The following ATP8A2 variants were observed in gnomAD, a reference collection of about 807,000 sequenced individuals.
The protein encoded by ATP8A2 is ATPase phospholipid transporting 8A2.
A neutral mutation model predicts 165.6 loss-of-function variants in ATP8A2; 100 were observed. The observed-to-expected ratio is 0.60, with a 90% confidence interval of 0.51 to 0.71. The LOEUF (loss-of-function observed/expected upper bound fraction) is 0.71, where lower values mean the gene tolerates loss of function less well. Ranked by LOEUF, ATP8A2 falls within the 30% of genes least tolerant of loss-of-function variation. The probability of loss-of-function intolerance (pLI) is 0.00; values close to 1 mark genes in which losing one functional copy is unlikely to be tolerated. For missense variants in ATP8A2, 1,227 were observed against 1,479.5 expected (o/e 0.83, Z 2.80); for synonymous variants, 543 against 548.8 (o/e 0.99, Z 0.15).
chr13:25,871,781 C>T (rs917512075), intron 33 of ATP8A2, among the ~76,000 whole-genome samples: 1 of 152,162 alleles, frequency 6.6e-6, no homozygotes, highest in Non-Finnish European at 1.5e-5. Flanking sequence ...GTTGGCATTC[C>T]TTTGGCTAAA....
intron 33 of ATP8A2, among the ~76,000 whole-genome samples, chr13:25,946,823 C>T (rs1156958664): frequency 2.0e-5 from 3 of 152,224 alleles, no homozygotes; most frequent in African/African-American, 7.2e-5. Flanking sequence ...TCTTGGCTCA[C>T]TGCAATCTCT....
At chr13:25,375,150 G>A (rs531716597) in intron 1 of ATP8A2, among the ~76,000 whole-genome samples, 1 of 152,286 alleles carries the variant, frequency 6.6e-6, no homozygotes, top group Admixed American at 6.5e-5. Flanking sequence ...CCCGTATAGT[G>A]CTTACAGTCT....
intron 1 of ATP8A2, among the ~76,000 whole-genome samples, chr13:25,420,679 C>T (rs191302037): frequency 6.6e-6 from 1 of 152,204 alleles, no homozygotes; most frequent in Non-Finnish European, 1.5e-5. Flanking sequence ...CAAGCCTGCA[C>T]ATCCTGCACA....
At position 25,953,878 on chromosome 13, in the gene ATP8A2, G is replaced by A. The variant is rs138895231; in HGVS notation, c.3184-7697G>A. 4.7e-3 allele frequency among the ~76,000 whole-genome samples: 715 copies of A among 152,268 alleles called. 4 individuals carry two copies. Among genetic ancestry groups the A allele is most frequent in the East Asian group, 8.7e-3 (45 of 5,188 alleles). On this transcript the variant is annotated intron_variant, in intron 33 of 36. Coordinates refer to ENST00000381655, the MANE Select transcript of ATP8A2 (RefSeq NM_016529.6). This position sits in a 1 kb window ranked among gnomAD's most constrained non-coding sequence, Gnocchi z 6.7. ...AACTGCAGACCAGGAGATTCCCTCC[G>A]GTGCCTACATCACCAGGGCCCTGGG...
intron 2 of ATP8A2, among the ~76,000 whole-genome samples, chr13:25,515,470 G>A (rs573873057): frequency 3.0e-4 from 45 of 152,238 alleles, no homozygotes; most frequent in Admixed American, 4.6e-4. Flanking sequence ...TTGCTTAGGC[G>A]GCAGCCCCTC....
At chr13:25,589,599 A>G in intron 23 of ATP8A2, 36 bp from the exon 24 acceptor site, 1 of 1,533,636 alleles carries the variant, frequency 6.5e-7, no homozygotes, top group South Asian at 1.1e-5. Context: ...ACAGAAGGAA[A>G]GAGAAATTCA....
chr13:25,727,963 A>G (rs2043531787), intron 25 of ATP8A2, among the ~76,000 whole-genome samples: 1 of 152,088 alleles, frequency 6.6e-6, no homozygotes, highest in Non-Finnish European at 1.5e-5. Flanking sequence ...CCAGGTAGTC[A>G]CGTGACCCTA....
At chr13:25,977,496 G>A (rs1956079805) in intron 35 of ATP8A2, among the ~76,000 whole-genome samples, 2 of 152,214 alleles carry the variant, frequency 1.3e-5, no homozygotes, top group Non-Finnish European at 2.9e-5. Flanking sequence ...CTGGGCACAG[G>A]AAGGAGAGGA....
chr13:25,860,370 A>G (rs1279563123), intron 31 of ATP8A2, 114 bp downstream of exon 31: 2 of 600,672 alleles, frequency 3.3e-6, no homozygotes, highest in Non-Finnish European at 5.8e-6. Context: ...CAAATCTTCA[A>G]AATGTATTTT....
intron 26 of ATP8A2, among the ~76,000 whole-genome samples, chr13:25,774,171 C>T (rs989978953): frequency 3.3e-5 from 5 of 152,082 alleles, no homozygotes; most frequent in East Asian, 1.9e-4. Flanking sequence ...AATGTCCATC[C>T]GTGCTAGACT....
At chr13:25,896,502 A>G (rs1953551993) in intron 33 of ATP8A2, among the ~76,000 whole-genome samples, 1 of 149,312 alleles carries the variant, frequency 6.7e-6, no homozygotes, top group African/African-American at 2.6e-5. Context: ...AGAATAACGT[A>G]TATTCTGTTG....
chr13:25,612,565 G>C (rs1034566934), intron 24 of ATP8A2, among the ~76,000 whole-genome samples: 1 of 152,072 alleles, frequency 6.6e-6, no homozygotes, highest in Non-Finnish European at 1.5e-5. Context: ...ATATGGTCTA[G>C]CTTGGAGAAT....
chr13:25,704,509 A>T (rs2043016542), intron 25 of ATP8A2, among the ~76,000 whole-genome samples: 2 of 151,878 alleles, frequency 1.3e-5, no homozygotes, highest in East Asian at 1.9e-4. Flanking sequence ...AATTTTTAAA[A>T]TTTTTTTATA....
At chr13:25,431,106 C>T (rs1344139820) in intron 1 of ATP8A2, among the ~76,000 whole-genome samples, 1 of 151,802 alleles carries the variant, frequency 6.6e-6, no homozygotes, top group Non-Finnish European at 1.5e-5. Flanking sequence ...GATTAGAAAA[C>T]CTCAACATTG....
chr13:25,849,079 C>T (rs887873982), intron 30 of ATP8A2, among the ~76,000 whole-genome samples: 1 of 152,112 alleles, frequency 6.6e-6, no homozygotes, highest in Non-Finnish European at 1.5e-5. Flanking sequence ...CTGCTGGAAG[C>T]TCCTGAAGGG....
At chr13:25,974,965 A>T (rs1752136044) in intron 35 of ATP8A2, among the ~76,000 whole-genome samples, 1 of 151,996 alleles carries the variant, frequency 6.6e-6, no homozygotes, top group South Asian at 2.1e-4. Flanking sequence ...GCCAGTGCAG[A>T]CCAGAACCAC....
intron 36 of ATP8A2, among the ~76,000 whole-genome samples, chr13:26,015,465 C>A (rs1186278991): frequency 2.0e-5 from 3 of 152,022 alleles, no homozygotes; most frequent in African/African-American, 2.4e-5. Context: ...CCTCTTTGTC[C>A]CCATGGTCTT....
chr13:25,781,018 T>C (rs2044863785), intron 27 of ATP8A2, among the ~76,000 whole-genome samples: 1 of 152,094 alleles, frequency 6.6e-6, no homozygotes, highest in Admixed American at 6.6e-5. Context: ...TCCCAGCACT[T>C]TGGGAGGCCG....
intron 28 of ATP8A2, among the ~76,000 whole-genome samples, chr13:25,831,896 C>G (rs1951483832): frequency 6.6e-6 from 1 of 151,522 alleles, no homozygotes; most frequent in African/African-American, 2.4e-5. Flanking sequence ...TGAATGAATG[C>G]TGTCCCAGAA....
Sources: allele counts gnomAD v4.1 joint callset (sites outside exome capture counted in the v4.1 genomes callset), GRCh38; gene constraint gnomAD v4.1.1; non-coding constraint Gnocchi (gnomAD v3.1); transcripts MANE v1.5; gene names NCBI Gene and HGNC (gene_info 2026-07-23, HGNC 2026-07-21).